TRPS1: variants seen among roughly 807,000 people sequenced by gnomAD.
TRPS1 encodes zinc finger transcription factor Trps1.
In TRPS1, 6 loss-of-function variants were observed where a neutral mutation model predicts 101.2. The observed-to-expected ratio is 0.06, with a 90% confidence interval of 0.03 to 0.12. The LOEUF is 0.12. TRPS1 is among the 10% of genes least tolerant of loss of function. The pLI, the probability that TRPS1 is intolerant of heterozygous loss-of-function variation, is 1.00. For synonymous variants in TRPS1, 578 were observed against 589.8 expected (o/e 0.98, Z 0.29); for missense variants, 1,363 against 1,567.0 (o/e 0.87, Z 2.20).
intron 1 of TRPS1, among the ~76,000 whole-genome samples, chr8:115,631,223 A>G (rs374028113): frequency 4.1e-4 from 63 of 152,192 alleles, no homozygotes; most frequent in African/African-American, 1.5e-3. Context: ...GGTACCTGCC[A>G]CTTCACACAG....
chr8:115,545,859 T>C (rs1021906720), intron 5 of TRPS1, among the ~76,000 whole-genome samples: 1 of 152,164 alleles, frequency 6.6e-6, no homozygotes, highest in African/African-American at 2.4e-5. Context: ...TGAAAAGGAA[T>C]AGAAAGTTAT....
At chr8:115,578,298 T>G (rs1347999481) in intron 5 of TRPS1, among the ~76,000 whole-genome samples, 1 of 152,150 alleles carries the variant, frequency 6.6e-6, no homozygotes, top group Non-Finnish European at 1.5e-5. Context: ...CCAAATTATT[T>G]TATACCTTAA....
intron 5 of TRPS1, among the ~76,000 whole-genome samples, chr8:115,582,254 C>A (rs1817468449): frequency 6.6e-6 from 1 of 152,106 alleles, no homozygotes; most frequent in South Asian, 2.1e-4. Context: ...TCACTTCAGA[C>A]CATCTTTAGT....
In TRPS1 at chr8:115,414,798, T is replaced by A; in HGVS notation, c.3110A>T (p.Gln1037Leu). The change falls in exon 7 of 7, where the codon CAA becomes CTA. Residue 1037 changes from glutamine (Q) to leucine (L), a missense_variant. Transcript: ENST00000395715. The surrounding 1 kb of genome is among the most constrained non-coding windows in gnomAD (Gnocchi z 4.8). ...HSAQQPVLVS[Q>L]TLDIHKRMQP... is the part of the protein sequence containing the mutation. ...CATCCTTTTGTGAATATCCAGAGTT[T>A]GGCTGACCAGGACTGGCTGCTGAGC... 6.2e-7 allele frequency: 1 copy of A among 1,614,038 alleles called. No homozygotes were observed. The highest frequency in any genetic ancestry group is 8.5e-7 in the Non-Finnish European group (1 of 1,179,938).
chr8:115,524,612 C>G (rs1339001076), intron 5 of TRPS1, among the ~76,000 whole-genome samples: 1 of 152,092 alleles, frequency 6.6e-6, no homozygotes, highest in African/African-American at 2.4e-5. Context: ...AGCCACCACA[C>G]CCAGCATTTT....
intron 4 of TRPS1, among the ~76,000 whole-genome samples, chr8:115,588,107 T>G (rs1817608894): frequency 6.6e-6 from 1 of 152,234 alleles, no homozygotes; most frequent in Admixed American, 6.5e-5. Flanking sequence ...TTTTTCCCCC[T>G]GTAGATACAC....
In TRPS1 at chr8:115,414,338, T is replaced by G; in HGVS notation, c.3570A>C (p.Ala1190=). The G allele has an allele frequency of 1.2e-6, 2 of 1,614,026 alleles. No homozygotes were observed. Among genetic ancestry groups the G allele is most frequent in the Non-Finnish European group, 1.7e-6 (2 of 1,179,960 alleles). ...TCGTTTTCTCCTTGGAGGCACCGTT[T>G]GCAGTTGGCCCAGGTCTGGAATGCT... ...AIKHSRPGPT[A]NGASKEKTKA... Residue 1190 remains alanine (A), a synonymous_variant, in exon 7 of 7, where the codon GCA becomes GCC. Transcript: ENST00000395715. The surrounding 1 kb of genome is among the most constrained non-coding windows in gnomAD (Gnocchi z 4.8).
intron 4 of TRPS1, among the ~76,000 whole-genome samples, chr8:115,589,819 T>A (rs1046686055): frequency 7.9e-5 from 12 of 152,064 alleles, no homozygotes; most frequent in African/African-American, 2.9e-4. Flanking sequence ...AAGCTTCTTA[T>A]CAAAAACACA....
chr8:115,649,697 T>C (rs1021910963), intron 1 of TRPS1, among the ~76,000 whole-genome samples: 1 of 152,252 alleles, frequency 6.6e-6, no homozygotes. Flanking sequence ...ACCAAGTCAG[T>C]TATTACTACA....
chr8:115,608,492 T>C (rs1048924418), intron 3 of TRPS1, among the ~76,000 whole-genome samples: 1 of 152,230 alleles, frequency 6.6e-6, no homozygotes, highest in African/African-American at 2.4e-5. Flanking sequence ...TATTTGTATT[T>C]ACATCTGCCT....
intron 5 of TRPS1, among the ~76,000 whole-genome samples, chr8:115,491,653 GAAGA>G (rs1563549014): frequency 6.6e-6 from 1 of 151,098 alleles, no homozygotes; most frequent in African/African-American, 2.4e-5. Flanking sequence ...AGAAAGAAAG[GAAGA>G]AAGAAAGAAG....
At chr8:115,641,949 T>C (rs1818908074) in intron 1 of TRPS1, among the ~76,000 whole-genome samples, 1 of 152,016 alleles carries the variant, frequency 6.6e-6, no homozygotes, top group South Asian at 2.1e-4. Flanking sequence ...GTCTAAAATA[T>C]ATGTGTAATC....
intron 2 of TRPS1, among the ~76,000 whole-genome samples, chr8:115,621,817 G>A (rs1818400100): frequency 6.6e-6 from 1 of 151,932 alleles, no homozygotes; most frequent in Non-Finnish European, 1.5e-5. Flanking sequence ...TAGGGAGGCT[G>A]AGGCAGGAGA....
chr8:115,605,965 A>G (rs1217601859), intron 3 of TRPS1, among the ~76,000 whole-genome samples: 1 of 390 alleles, frequency 2.6e-3, no homozygotes, highest in Non-Finnish European at 5.0e-3. Context: ...CAGAGTTAAA[A>G]TAGAGTTTTT....
chr8:115,588,036 A>T (rs16887554), intron 4 of TRPS1, among the ~76,000 whole-genome samples: 15 of 152,308 alleles, frequency 9.8e-5, no homozygotes, highest in African/African-American at 3.6e-4. Context: ...ACTATTCTTA[A>T]GTTTTCACAC....
At chr8:115,597,351 G>C (rs1344781386) in intron 4 of TRPS1, among the ~76,000 whole-genome samples, 2 of 151,724 alleles carry the variant, frequency 1.3e-5, no homozygotes, top group African/African-American at 4.8e-5. Flanking sequence ...TTTTTGTTTG[G>C]TTATGATTGG....
Position 115,535,291 on chromosome 8 carries a change from T to TAGAGC in TRPS1, c.2700+51709_2700+51710insGCTCT. Among the ~76,000 whole-genome samples, 6 of 50,962 alleles carry TAGAGC rather than the reference T, an allele frequency of 1.2e-4. No homozygotes were observed. The African/African-American group carries it at 1.3e-3, about 11-fold the overall frequency. The allele number at this position is 50,962 out of a possible 152,430, so 33.4% of individuals were successfully genotyped here. ...ATATATATAGCATATATAGCATATA[T>TAGAGC]ATAGCATATATATAGCATATATAGC... On this transcript the variant is annotated intron_variant, in intron 5 of 6. Coordinates refer to ENST00000395715, the MANE Select transcript of TRPS1 (RefSeq NM_014112.5).
At chr8:115,519,853 G>GT (rs1170579059) in intron 5 of TRPS1, among the ~76,000 whole-genome samples, 2 of 151,570 alleles carry the variant, frequency 1.3e-5, no homozygotes, top group African/African-American at 4.8e-5. Context: ...TGAATATAAT[G>GT]TTTTTCCAAA....
At chr8:115,432,453 C>A (rs1180642) in intron 5 of TRPS1, among the ~76,000 whole-genome samples, 151,966 of 151,966 alleles carry the variant, frequency 1, 75,983 homozygotes, top group Non-Finnish European at 1. Flanking sequence ...ACACATACAC[C>A]AAATGTGTGT....
Sources: gnomAD v4.1 joint callset for allele counts (sites outside exome capture counted in the v4.1 genomes callset) on GRCh38, gnomAD v4.1.1 for gene constraint, Gnocchi (gnomAD v3.1) non-coding constraint, MANE v1.5 for transcripts, NCBI Gene and HGNC (gene_info 2026-07-23, HGNC 2026-07-21) for gene names.